Variants in GAB2 observed in about 807,000 individuals in gnomAD.
GAB2 encodes the protein GRB2-associated-binding protein 2.
GAB2 carries 26 observed loss-of-function variants against 65.5 expected under a neutral mutation model. The ratio of observed to expected loss-of-function variants is 0.40; its 90% CI spans 0.29 to 0.55. The LOEUF is 0.55. Among genes scored for constraint, GAB2 ranks in the 20% least tolerant of loss-of-function variants. GAB2 has a pLI of 0.53. For synonymous variants in GAB2, 321 were observed against 329.6 expected, an observed-to-expected ratio of 0.97 and a Z score of 0.28; for missense variants, 884 against 875.8, an observed-to-expected ratio of 1.01 and a Z score of -0.12.
rs963527617 is a variant in GAB2, at chr11:78,322,249, G to A, written c.76-41348C>T. On this transcript the variant is annotated intron_variant, in intron 1 of 9. Coordinates refer to ENST00000361507, the MANE Select transcript of GAB2 (RefSeq NM_080491.3). ...GAACCCAGGAGGCGGAGGTTGCAGT[G>A]AGCCGAGCTACTGCACTGAAGCCTG... 4.6e-5 allele frequency among the ~76,000 whole-genome samples: 6 copies of A among 130,178 alleles called. No homozygotes were observed. The South Asian group carries it at 1.6e-3, about 34-fold the overall frequency. 85.4% of individuals were successfully genotyped at this position (130,178 alleles called of 152,430 possible).
chr11:78,375,113 T>C (rs1591073130), intron 1 of GAB2, among the ~76,000 whole-genome samples: 1 of 152,190 alleles, frequency 6.6e-6, no homozygotes, highest in African/African-American at 2.4e-5. Flanking sequence ...TGCACAATCA[T>C]AGCTCACTGC....
intron 1 of GAB2, among the ~76,000 whole-genome samples, chr11:78,405,764 T>C (rs563885137): frequency 6.6e-6 from 1 of 152,342 alleles, no homozygotes; most frequent in East Asian, 1.9e-4. Context: ...ATAAATTCCA[T>C]GAGTTTTCTT....
At chr11:78,384,064 G>A (rs935236467) in intron 1 of GAB2, among the ~76,000 whole-genome samples, 1 of 152,178 alleles carries the variant, frequency 6.6e-6, no homozygotes, top group Non-Finnish European at 1.5e-5. Flanking sequence ...TGACTGAAGT[G>A]TTCTTGGGAA....
chr11:78,295,163 A>AT (rs1396006690), intron 1 of GAB2, among the ~76,000 whole-genome samples: 2 of 152,240 alleles, frequency 1.3e-5, no homozygotes, highest in Non-Finnish European at 2.9e-5. Flanking sequence ...CATCAGAGAA[A>AT]TGCAAATCAA....
At chr11:78,300,094 T>C (rs920154405) in intron 1 of GAB2, among the ~76,000 whole-genome samples, 2 of 152,206 alleles carry the variant, frequency 1.3e-5, no homozygotes, top group Non-Finnish European at 2.9e-5. Flanking sequence ...AGAGTTCCCC[T>C]GTGCCCTTTC....
intron 1 of GAB2, among the ~76,000 whole-genome samples, chr11:78,283,425 T>A (rs527839532): frequency 1.4e-4 from 22 of 152,320 alleles, no homozygotes; most frequent in Non-Finnish European, 3.1e-4. Context: ...ACGTTTCCTA[T>A]CTCAGAAGAA....
chr11:78,413,829 C>G (rs1399809475), intron 1 of GAB2, among the ~76,000 whole-genome samples: 1 of 152,116 alleles, frequency 6.6e-6, no homozygotes, highest in Non-Finnish European at 1.5e-5. Context: ...TCATGTCTGT[C>G]TGTAATCCCA....
intron 1 of GAB2, among the ~76,000 whole-genome samples, chr11:78,357,273 G>A (rs1856371966): frequency 6.6e-6 from 1 of 152,152 alleles, no homozygotes; most frequent in Non-Finnish European, 1.5e-5. Flanking sequence ...AGTGACAATT[G>A]TGATGACTGT....
chr11:78,278,104 A>C (rs1405444153), intron 2 of GAB2, among the ~76,000 whole-genome samples: 1 of 138,866 alleles, frequency 7.2e-6, no homozygotes, highest in African/African-American at 2.7e-5. Flanking sequence ...AGTTTCACTG[A>C]TGTTGCCCAG....
chr11:78,247,297 G>A (rs892180573), intron 3 of GAB2, among the ~76,000 whole-genome samples: 5 of 152,144 alleles, frequency 3.3e-5, no homozygotes, highest in Admixed American at 1.3e-4. Flanking sequence ...TAATCAGTGG[G>A]AAGGAAAGCC....
In GAB2 at chr11:78,226,781, C is replaced by T. The variant is rs777024151; in HGVS notation, c.891G>A (p.Thr297=). The T allele has an allele frequency of 1.4e-5, 23 of 1,613,940 alleles. No homozygotes were observed. Among genetic ancestry groups the T allele is most frequent in the East Asian group, 6.7e-5 (3 of 44,886 alleles). The part of the protein sequence containing the change: ...TDNEDVYTFK[T]PSNTLCREFG... ...ACTCCCTGCACAGGGTGTTGCTGGGCGTCTTGAAGGTGTACACATCCTCAT... is the reference window on the plus strand; with the variant it reads ...ACTCCCTGCACAGGGTGTTGCTGGGTGTCTTGAAGGTGTACACATCCTCAT... The change falls in exon 4 of 10, where the codon ACG becomes ACA. Residue 297 remains threonine, a synonymous_variant. Coordinates refer to ENST00000361507, the MANE Select transcript of GAB2 (RefSeq NM_080491.3).
intron 2 of GAB2, among the ~76,000 whole-genome samples, chr11:78,251,053 C>A (rs554847233): frequency 6.6e-6 from 1 of 151,252 alleles, no homozygotes; most frequent in South Asian, 2.1e-4. Context: ...CAGCATTAGA[C>A]AATATACCCA....
Position 78,223,639 on chromosome 11 carries a change from T to A in GAB2, c.1340A>T (p.Asn447Ile). ...KMIVGRSDST[N>I]SEDNYVPMNP... ...CATGGGCACATAGTTGTCTTCAGAA[T>A]TGGTGCTGTCCGATCGGCCCACAAT... Residue 447 changes from asparagine to isoleucine, a missense_variant, in exon 6 of 10, where the codon AAT (asparagine) becomes ATT (isoleucine). Asn to Ile is a moderately radical substitution (Grantham distance 149). Coordinates refer to ENST00000361507, the MANE Select transcript of GAB2 (RefSeq NM_080491.3). 6.2e-7 allele frequency: 1 copy of A among 1,611,958 alleles called. No homozygotes were observed. The highest frequency in any genetic ancestry group is 8.5e-7 in the Non-Finnish European group (1 of 1,178,928).
intron 1 of GAB2, among the ~76,000 whole-genome samples, chr11:78,357,228 T>A (rs970210273): frequency 6.6e-6 from 1 of 152,190 alleles, no homozygotes; most frequent in Non-Finnish European, 1.5e-5. Flanking sequence ...ACTAAAACCA[T>A]TTTTTGCCCT....
At chr11:78,276,638 A>T (rs1426616619) in intron 2 of GAB2, among the ~76,000 whole-genome samples, 1 of 152,126 alleles carries the variant, frequency 6.6e-6, no homozygotes, top group Non-Finnish European at 1.5e-5. Context: ...GAACTTGCAT[A>T]AAATGAATGC....
intron 2 of GAB2, among the ~76,000 whole-genome samples, chr11:78,269,106 T>C (rs964260562): frequency 7.9e-5 from 12 of 152,114 alleles, no homozygotes; most frequent in Admixed American, 3.9e-4. Context: ...ATTTTCCTCA[T>C]TGTCTCAGTG....
intron 1 of GAB2, among the ~76,000 whole-genome samples, chr11:78,297,320 C>G (rs1866859240): frequency 6.6e-6 from 1 of 151,518 alleles, no homozygotes; most frequent in Admixed American, 6.6e-5. Context: ...TCTGAGAATT[C>G]CTCCAGAAAA....
At chr11:78,327,064 C>T (rs1441497670) in intron 1 of GAB2, among the ~76,000 whole-genome samples, 9 of 152,126 alleles carry the variant, frequency 5.9e-5, no homozygotes, top group African/African-American at 2.2e-4. Flanking sequence ...AAGATCATTC[C>T]TATTTAGCGC....
In GAB2 at chr11:78,215,909, G is replaced by A. The variant is rs371571547; in HGVS notation, c.*3363C>T. 1.3e-5 allele frequency: 2 copies of A among 152,716 alleles called. No individual in the cohort carries two copies. Among genetic ancestry groups the A allele is most frequent in the African/African-American group, 4.8e-5 (2 of 41,460 alleles). The allele number at this position is 152,716 out of a possible 1,614,324, so 9.5% of individuals were successfully genotyped here. On this transcript the variant is annotated 3_prime_UTR_variant, in exon 10 of 10. Coordinates refer to ENST00000361507, the MANE Select transcript of GAB2 (RefSeq NM_080491.3). ...GATGTCCCCATGGGAGAAGGGGCCAGAGGGAGGATGAGCTGAGCCCATGCT... is the reference window on the plus strand; with the variant it reads ...GATGTCCCCATGGGAGAAGGGGCCAAAGGGAGGATGAGCTGAGCCCATGCT...
Sources: allele counts gnomAD v4.1 joint callset (sites outside exome capture counted in the v4.1 genomes callset), GRCh38; gene constraint gnomAD v4.1.1; transcripts MANE v1.5; gene names NCBI Gene and HGNC (gene_info 2026-07-23, HGNC 2026-07-21).